Variants in TPH2 observed in about 807,000 individuals in gnomAD.
TPH2 encodes the protein tryptophan hydroxylase 2.
A neutral mutation model predicts 59.1 loss-of-function variants in TPH2; 27 were observed. The observed-to-expected ratio is 0.46, with a 90% CI of 0.34 to 0.63. The LOEUF (loss-of-function observed/expected upper bound fraction) is 0.63, where lower values mean the gene tolerates loss of function less well. Among genes scored for constraint, TPH2 ranks in the 30% least tolerant of loss-of-function variants. TPH2 has a pLI of 0.01. For synonymous variants in TPH2, 220 were observed against 210.5 expected (o/e 1.05, Z -0.39); for missense variants, 523 against 588.3 (o/e 0.89, Z 1.15).
At position 71,963,755 on chromosome 12, in the gene TPH2, G is replaced by A. The variant is rs1288230907; in HGVS notation, c.609-8764G>A. On this transcript the variant is annotated intron_variant, in intron 5 of 10. Transcript: ENST00000333850. ...ACCTGGGAGGCAGAAGTTGCAGTGAGCTGAGATCGTGCCACTGCACTCCAG... is the reference window on the plus strand; with the variant it reads ...ACCTGGGAGGCAGAAGTTGCAGTGAACTGAGATCGTGCCACTGCACTCCAG... Among the ~76,000 whole-genome samples the A allele has an allele frequency of 8.9e-5, 4 of 44,778 alleles. 1 individual carries two copies. Among genetic ancestry groups the A allele is most frequent in the African/African-American group, 2.6e-4 (4 of 15,416 alleles). 29.4% of individuals were successfully genotyped at this position (44,778 alleles called of 152,430 possible).
At chr12:71,992,915 A>G (rs899831929) in intron 7 of TPH2, among the ~76,000 whole-genome samples, 11 of 152,246 alleles carry the variant, frequency 7.2e-5, no homozygotes, top group African/African-American at 2.7e-4. Context: ...AATCCAGTGA[A>G]TCTGCTTCTT....
At chr12:72,030,649 G>A (rs1873695243) in intron 9 of TPH2, among the ~76,000 whole-genome samples, 1 of 152,008 alleles carries the variant, frequency 6.6e-6, no homozygotes, top group South Asian at 2.1e-4. Flanking sequence ...TCCTCAAGTG[G>A]CAATATTTAT....
Position 71,994,573 on chromosome 12 carries a change from C to A in TPH2, c.1068+8C>A. 1.9e-6 allele frequency: 3 copies of A among 1,613,502 alleles called. No homozygotes were observed. Among genetic ancestry groups the A allele is most frequent in the East Asian group, 2.2e-5 (1 of 44,856 alleles). On this transcript the variant is annotated splice_region_variant and intron_variant, in intron 8 of 10. Transcript: ENST00000333850. ...GTTCAGAAACTAGCCACGGTGAGTT[C>A]ATTTTCAACTTAAAACCAGTGCTAT...
chr12:72,003,318 C>A (rs1297887863), intron 8 of TPH2, among the ~76,000 whole-genome samples: 1 of 152,118 alleles, frequency 6.6e-6, no homozygotes, highest in Non-Finnish European at 1.5e-5. Flanking sequence ...GGGGGGAATG[C>A]ACTTTTATAC....
At chr12:71,990,757 A>G (rs1872562930) in intron 7 of TPH2, among the ~76,000 whole-genome samples, 1 of 152,234 alleles carries the variant, frequency 6.6e-6, no homozygotes, top group East Asian at 1.9e-4. Context: ...GCCCCATGAC[A>G]TGCTATGTCC....
chr12:71,991,443 C>T (rs537233894), intron 7 of TPH2, among the ~76,000 whole-genome samples: 12 of 152,256 alleles, frequency 7.9e-5, no homozygotes, highest in South Asian at 2.1e-4. Flanking sequence ...CTTTAGTTTC[C>T]GCTCACCTTG....
chr12:72,017,127 G>A (rs1404861924), intron 8 of TPH2, among the ~76,000 whole-genome samples: 1 of 152,168 alleles, frequency 6.6e-6, no homozygotes, highest in Non-Finnish European at 1.5e-5. Flanking sequence ...ATCACCAGGT[G>A]GCACCATTAC....
At chr12:72,031,137 A>G (rs866352310) in intron 9 of TPH2, 121 bp from the exon 10 acceptor site, 1 of 1,297,614 alleles carries the variant, frequency 7.7e-7, no homozygotes, top group East Asian at 2.3e-5. Flanking sequence ...TTCATGACAG[A>G]CTAGTAACTG....
intron 5 of TPH2, among the ~76,000 whole-genome samples, chr12:71,966,663 T>A (rs1871827295): frequency 6.6e-6 from 1 of 152,214 alleles, no homozygotes; most frequent in South Asian, 2.1e-4. Context: ...CCTTACCCAA[T>A]TCTCTGTTAT....
intron 7 of TPH2, among the ~76,000 whole-genome samples, chr12:71,984,588 T>A (rs1302704545): frequency 6.6e-6 from 1 of 152,216 alleles, no homozygotes; most frequent in East Asian, 1.9e-4. Context: ...ACCAGAGCTT[T>A]ACGGAGTTTA....
intron 4 of TPH2, 53 bp from the exon 5 acceptor site, chr12:71,949,535 T>C (rs2139183938): frequency 6.8e-7 from 1 of 1,474,492 alleles, no homozygotes; most frequent in African/African-American, 1.4e-5. Flanking sequence ...TTAGGTCTTC[T>C]GCAGCTAATT....
intron 8 of TPH2, among the ~76,000 whole-genome samples, chr12:72,016,320 A>G (rs559650411): frequency 6.6e-6 from 1 of 152,214 alleles, no homozygotes; most frequent in South Asian, 2.1e-4. Context: ...GCGTTTATTT[A>G]CTCAAACACC....
At chr12:71,943,627 T>G (rs2139178149) in intron 2 of TPH2, among the ~76,000 whole-genome samples, 1 of 152,238 alleles carries the variant, frequency 6.6e-6, no homozygotes, top group African/African-American at 2.4e-5. Context: ...TTTTTACCTT[T>G]TTTTCACCCT....
chr12:71,961,067 G>A (rs995535414), intron 5 of TPH2, among the ~76,000 whole-genome samples: 2 of 152,160 alleles, frequency 1.3e-5, no homozygotes, highest in African/African-American at 4.8e-5. Context: ...AGTTTCGAAT[G>A]AGGAAACGGA....
Position 71,945,601 on chromosome 12 carries a change from C to T in TPH2, c.540+915C>T, listed in dbSNP as rs532629429. 3.9e-5 allele frequency among the ~76,000 whole-genome samples: 6 copies of T among 152,228 alleles called. No homozygotes were observed. In the South Asian group the frequency reaches 1.0e-3, roughly 26 times the overall value. ...GGTTTGGCAGTGTGGCTATACTCTG[C>T]GCAGTGGCTCTCTAAGTGCGACCCC... On this transcript the variant is annotated intron_variant, in intron 4 of 10. Coordinates refer to ENST00000333850, the MANE Select transcript of TPH2 (RefSeq NM_173353.4).
chr12:72,004,468 G>T (rs1370420353), intron 8 of TPH2, among the ~76,000 whole-genome samples: 1 of 138,938 alleles, frequency 7.2e-6, no homozygotes, highest in Middle Eastern at 3.4e-3. Context: ...TAATTTTAAA[G>T]TCATTTTAAG....
At chr12:71,978,039 T>C (rs1037583966) in intron 6 of TPH2, among the ~76,000 whole-genome samples, 2 of 152,146 alleles carry the variant, frequency 1.3e-5, no homozygotes, top group African/African-American at 2.4e-5. Context: ...CAGTATTCAG[T>C]ATAGTAATGT....
intron 5 of TPH2, chr12:71,962,593 T>C (rs1223518037): frequency 3.0e-6 from 3 of 985,236 alleles, no homozygotes; most frequent in African/African-American, 1.7e-5. Context: ...AATTGAAATA[T>C]ATGAGGCAAG....
intron 5 of TPH2, among the ~76,000 whole-genome samples, chr12:71,953,384 G>A (rs140340839): frequency 4.6e-5 from 7 of 152,172 alleles, no homozygotes; most frequent in African/African-American, 9.6e-5. Flanking sequence ...GAGAGAGACA[G>A]TCCTGTGTGT....
Sources: allele counts gnomAD v4.1 joint callset (sites outside exome capture counted in the v4.1 genomes callset), GRCh38; gene constraint gnomAD v4.1.1; transcripts MANE v1.5; gene names NCBI Gene and HGNC (gene_info 2026-07-23, HGNC 2026-07-21).